Variants in OR4K17 observed in about 807,000 individuals in gnomAD.
OR4K17 encodes olfactory receptor 4K17.
For synonymous variants in OR4K17, 157 were observed against 132.8 expected, an observed-to-expected ratio of 1.18 and a Z score of -1.25; for missense variants, 480 against 366.3, an observed-to-expected ratio of 1.31 and a Z score of -2.53.
Position 20,117,708 on chromosome 14 carries a change from A to T in OR4K17, c.209A>T (p.Asp70Val). The T allele has an allele frequency of 6.2e-7, 1 of 1,614,052 alleles. No homozygotes were observed. The highest frequency in any genetic ancestry group is 8.5e-7 in the Non-Finnish European group (1 of 1,179,988). The change falls in exon 2 of 2, where the codon GAT becomes GTT. Residue 70 changes from aspartate to valine, a missense_variant. By Grantham distance (152) the Asp-to-Val change is radical. Transcript: ENST00000641386. ...YFLLGNLSFV[D>V]MTLASFATPK... ...CTCCTTGGTAATCTCTCTTTTGTAG[A>T]TATGACCCTTGCTTCTTTTGCCACC...
Position 20,118,644 on chromosome 14 carries a change from T to C in OR4K17, c.*206T>C. On this transcript the variant is annotated 3_prime_UTR_variant, in exon 2 of 2. Coordinates refer to ENST00000641386, the MANE Select transcript of OR4K17 (RefSeq NM_001004715.5). Reference sequence around the variant, plus strand: ...CTGGGTGTCCAGGGGAGACATCACATGTCAGCGGGTTCCGTGATGCCCCCC... The same window carrying C: ...CTGGGTGTCCAGGGGAGACATCACACGTCAGCGGGTTCCGTGATGCCCCCC... 2 of 405,220 alleles carry C rather than the reference T, an allele frequency of 4.9e-6. No individual in the cohort carries two copies. Among genetic ancestry groups the C allele is most frequent in the Non-Finnish European group, 8.8e-6 (2 of 226,640 alleles). 25.1% of individuals were successfully genotyped at this position (405,220 alleles called of 1,614,324 possible). A position where few individuals can be genotyped will look rare whatever the true frequency, so the allele number is the denominator to read the frequency against.
At chr14:20,117,367 A>G in intron 1 of OR4K17, 101 bp from the exon 2 acceptor site, 1 of 1,398,264 alleles carries the variant, frequency 7.2e-7, no homozygotes, top group Non-Finnish European at 9.8e-7. Flanking sequence ...AGGTCCGTTT[A>G]TTGAAAGATC....
chr14:20,117,114 G>A (rs1878011029), intron 1 of OR4K17, among the ~76,000 whole-genome samples: 1 of 152,138 alleles, frequency 6.6e-6, no homozygotes, highest in Admixed American at 6.5e-5. Context: ...TAGAGGTTGT[G>A]CTGAAACCCT....
intron 1 of OR4K17, among the ~76,000 whole-genome samples, chr14:20,114,332 T>C (rs960647535): frequency 3.3e-5 from 5 of 152,016 alleles, no homozygotes; most frequent in South Asian, 2.1e-4. Context: ...TTCTCCCTTC[T>C]CCTCTTCCCA....
intron 1 of OR4K17, among the ~76,000 whole-genome samples, chr14:20,113,157 T>C (rs1877917060): frequency 6.6e-6 from 1 of 152,060 alleles, no homozygotes; most frequent in African/African-American, 2.4e-5. Context: ...TTTAATTAGG[T>C]CATGCAATAA....
chr14:20,116,334 A>G (rs1877991327), intron 1 of OR4K17, among the ~76,000 whole-genome samples: 1 of 152,148 alleles, frequency 6.6e-6, no homozygotes, highest in Non-Finnish European at 1.5e-5. Flanking sequence ...TGTCTCACAC[A>G]CACACAGAGA....
At chr14:20,113,847 CAA>C (rs983853899) in intron 1 of OR4K17, among the ~76,000 whole-genome samples, 2 of 142,244 alleles carry the variant, frequency 1.4e-5, no homozygotes, top group East Asian at 3.9e-4. Flanking sequence ...TAAATATAAA[CAA>C]GAGAAAAATA....
rs1396951357 is a variant in OR4K17, at chr14:20,121,497, G to A, written c.*3059G>A. The A allele has an allele frequency of 3.3e-5, 5 of 152,222 alleles. No homozygotes were observed. The highest frequency in any genetic ancestry group is 1.5e-5 in the Non-Finnish European group (1 of 67,986). The allele number at this position is 152,222 out of a possible 1,614,324, so 9.4% of individuals were successfully genotyped here. On this transcript the variant is annotated 3_prime_UTR_variant, in exon 2 of 2. Transcript: ENST00000641386. ...AAACATAAAATGTGTGGGGGAGGTA[G>A]AATAAAAGTGTAGACTTTTTAAATG...
chr14:20,114,037 G>A (rs1877935365), intron 1 of OR4K17, among the ~76,000 whole-genome samples: 2 of 151,924 alleles, frequency 1.3e-5, no homozygotes, highest in Admixed American at 1.3e-4. Flanking sequence ...AGCTTGGTTG[G>A]AGAACATAGC....
In OR4K17 at chr14:20,118,553, T is replaced by C; in HGVS notation, c.*115T>C. 1 of 638,404 alleles carries C rather than the reference T, an allele frequency of 1.6e-6. No homozygotes were observed. Among genetic ancestry groups the C allele is most frequent in the Non-Finnish European group, 2.7e-6 (1 of 376,262 alleles). 39.5% of individuals were successfully genotyped at this position (638,404 alleles called of 1,614,324 possible). On this transcript the variant is annotated 3_prime_UTR_variant, in exon 2 of 2. Transcript: ENST00000641386. ...ATATTTCAACATAGGTTCTTTTCTA[T>C]TTTCCCTAAGTGTTGACTGGTCTGA...
In OR4K17 at chr14:20,112,418, A is replaced by T. The variant is rs79225363; in HGVS notation, c.-33+1526A>T. On this transcript the variant is annotated intron_variant, in intron 1 of 1. Transcript: ENST00000641386. The stretch of plus-strand genomic sequence containing the variant: ...AAAACTCATTTCTGTCCCGCAGTTA[A>T]CAGAGGACTGAGACACATTCAAAAG... Among the ~76,000 whole-genome samples the T allele has an allele frequency of 2.6e-3, 395 of 152,170 alleles. 4 individuals carry two copies. Among genetic ancestry groups the T allele is most frequent in the African/African-American group, 9.1e-3 (377 of 41,540 alleles).
chr14:20,118,239 T>C lies in OR4K17; in HGVS notation c.740T>C (p.Val247Ala). ...RSTLTAHITVVILFFGPCIFI... is the reference protein window; with the variant it reads ...RSTLTAHITVAILFFGPCIFI... The stretch of plus-strand genomic sequence containing the variant: ...ACTTTGACTGCTCACATCACAGTGG[T>C]GATTCTCTTCTTTGGCCCATGCATC... The change falls in exon 2 of 2, where the codon GTG becomes GCG. Residue 247 changes from valine to alanine, a missense_variant. Val to Ala is a moderately conservative substitution (Grantham distance 64). Transcript: ENST00000641386. 6.2e-7 allele frequency: 1 copy of C among 1,614,014 alleles called. No homozygotes were observed. Among genetic ancestry groups the C allele is most frequent in the South Asian group, 1.1e-5 (1 of 91,076 alleles).
chr14:20,114,206 A>C (rs1408026330), intron 1 of OR4K17, among the ~76,000 whole-genome samples: 2 of 152,042 alleles, frequency 1.3e-5, no homozygotes, highest in African/African-American at 4.8e-5. Context: ...GTAAAAATGA[A>C]AGAAAGTTGC....
At position 20,121,260 on chromosome 14, in the gene OR4K17, A is replaced by C. The variant is rs902657405; in HGVS notation, c.*2822A>C. On this transcript the variant is annotated 3_prime_UTR_variant, in exon 2 of 2. Transcript: ENST00000641386. ...CCAGTATCTGTCTCCAAAGAAACAG[A>C]GACCTATGAACTCCCAGACAAAGAC... 1.3e-5 allele frequency: 2 copies of C among 152,242 alleles called. No homozygotes were observed. The highest frequency in any genetic ancestry group is 4.8e-5 in the African/African-American group (2 of 41,472). 9.4% of individuals were successfully genotyped at this position (152,242 alleles called of 1,614,324 possible). A position where few individuals can be genotyped will look rare whatever the true frequency, so the allele number is the denominator to read the frequency against.
In OR4K17 at chr14:20,117,202, T is replaced by C. The variant is rs1157621761; in HGVS notation, c.-32-266T>C. On this transcript the variant is annotated intron_variant, in intron 1 of 1. Transcript: ENST00000641386. ...ATTTCCTGAAGATGGTTCTATCTCTTTTGTCCTATGAAGATACACTTATAT... is the reference window on the plus strand; with the variant it reads ...ATTTCCTGAAGATGGTTCTATCTCTCTTGTCCTATGAAGATACACTTATAT... Among the ~76,000 whole-genome samples the C allele has an allele frequency of 2.0e-5, 3 of 152,188 alleles. No individual in the cohort carries two copies. The East Asian group carries it at 5.8e-4, about 29-fold the overall frequency.
At position 20,117,479 on chromosome 14, in the gene OR4K17, G is replaced by A. The variant is rs747107709; in HGVS notation, c.-21G>A. On this transcript the variant is annotated 5_prime_UTR_variant, in exon 2 of 2. Coordinates refer to ENST00000641386, the MANE Select transcript of OR4K17 (RefSeq NM_001004715.5). Reference sequence around the variant, plus strand: ...CTTTCTCTCTACAGGTCATCCAAGAGCGAGCTGTAGGATGGAGGCCATGAA... The same window carrying A: ...CTTTCTCTCTACAGGTCATCCAAGAACGAGCTGTAGGATGGAGGCCATGAA... 36 of 1,613,344 alleles carry A rather than the reference G, an allele frequency of 2.2e-5. No homozygotes were observed. The highest frequency in any genetic ancestry group is 1.6e-4 in the Middle Eastern group (1 of 6,080).
chr14:20,113,557 C>T (rs1481305883), intron 1 of OR4K17, among the ~76,000 whole-genome samples: 1 of 151,988 alleles, frequency 6.6e-6, no homozygotes, highest in African/African-American at 2.4e-5. Context: ...AATTTAAATA[C>T]TCAATTTGTC....
chr14:20,118,139 TTGC>T lies in OR4K17; in HGVS notation c.642_644del (p.Leu214_Leu215delinsPhe). The T allele has an allele frequency of 1.9e-6, 3 of 1,614,146 alleles. No homozygotes were observed. The highest frequency in any genetic ancestry group is 2.5e-6 in the Non-Finnish European group (3 of 1,180,006). ...AATCTCCCTGAGCTGTTTCATTATTTTGCTTATCTCCTACAGTCTGATCCTCAT... is the reference window on the plus strand; with the variant it reads ...AATCTCCCTGAGCTGTTTCATTATTTTTATCTCCTACAGTCTGATCCTCAT... On this transcript the variant is annotated inframe_deletion, in exon 2 of 2. Coordinates refer to ENST00000641386, the MANE Select transcript of OR4K17 (RefSeq NM_001004715.5).
rs1405034510 is a variant in OR4K17 at position 20,121,214 on chromosome 14, T to G, written c.*2776T>G. On this transcript the variant is annotated 3_prime_UTR_variant, in exon 2 of 2. Coordinates refer to ENST00000641386, the MANE Select transcript of OR4K17 (RefSeq NM_001004715.5). ...CAAAAACCAAAAGGGAGTATCACCA[T>G]GAAAGGAACACAATAATTTTCCAGT... 6.6e-6 allele frequency: 1 copy of G among 152,084 alleles called. No homozygotes were observed. The highest frequency in any genetic ancestry group is 2.4e-5 in the African/African-American group (1 of 41,416). The allele number at this position is 152,084 out of a possible 1,614,324, so 9.4% of individuals were successfully genotyped here. A position where few individuals can be genotyped will look rare whatever the true frequency, so the allele number is the denominator to read the frequency against.
Sources: allele counts gnomAD v4.1 joint callset (sites outside exome capture counted in the v4.1 genomes callset), GRCh38; gene constraint gnomAD v4.1.1; transcripts MANE v1.5; gene names NCBI Gene and HGNC (gene_info 2026-07-23, HGNC 2026-07-21).